Variants in FKBP4 observed in about 807,000 individuals in gnomAD.
FKBP4 encodes FKBP prolyl isomerase 4.
In FKBP4, 28 loss-of-function variants were observed where a neutral mutation model predicts 54.1. The ratio of observed to expected loss-of-function variants is 0.52; its 90% CI spans 0.38 to 0.71. The LOEUF is 0.71. Among genes scored for constraint, FKBP4 ranks in the 30% least tolerant of loss-of-function variants. The pLI is 0.00. For synonymous variants in FKBP4, 223 were observed against 216.1 expected (o/e 1.03, Z -0.28); for missense variants, 493 against 574.4 (o/e 0.86, Z 1.45).
intron 1 of FKBP4, 108 bp from the exon 2 acceptor site, chr12:2,797,030 T>A (rs1202502419): frequency 6.7e-7 from 1 of 1,501,966 alleles, no homozygotes; most frequent in Non-Finnish European, 8.9e-7. Context: ...CAGAGGAGGA[T>A]GAACACAGAG....
rs766636474 is a variant in FKBP4, at chr12:2,803,221, C to G, written c.1343C>G (p.Thr448Arg). Residue 448 changes from threonine (T) to arginine (R), a missense_variant, in exon 10 of 10, where the codon ACG becomes AGG. By Grantham distance (71) the Thr-to-Arg change is moderately conservative (BLOSUM62 -1). Coordinates refer to ENST00000001008, the MANE Select transcript of FKBP4 (RefSeq NM_002014.4). ...TEMKEEQKSNTAGSQSQVETE... is the reference protein window; with the variant it reads ...TEMKEEQKSNRAGSQSQVETE... ...ATGAAGGAGGAGCAGAAGAGCAACA[C>G]GGCAGGGAGCCAGTCTCAGGTGGAG... The G allele has an allele frequency of 6.2e-7, 1 of 1,600,238 alleles. No individual in the cohort carries two copies. Among genetic ancestry groups the G allele is most frequent in the East Asian group, 2.3e-5 (1 of 44,130 alleles).
chr12:2,798,963 C>T lies in FKBP4; in HGVS notation c.515-125C>T. The T allele has an allele frequency of 1.4e-6, 2 of 1,390,184 alleles. No individual in the cohort carries two copies. The highest frequency in any genetic ancestry group is 1.4e-5 in the African/African-American group (1 of 69,864). 86.1% of individuals were successfully genotyped at this position (1,390,184 alleles called of 1,614,324 possible). On this transcript the variant is annotated intron_variant, in intron 4 of 9. Transcript: ENST00000001008. This position sits in a 1 kb window ranked among gnomAD's most constrained non-coding sequence, Gnocchi z 4.3. ...GGGTTGGACCATATTCTCTTCATAT[C>T]ACTCCAGATTTGAGAACACAGGAGA...
In FKBP4 at chr12:2,795,226, G is replaced by A. The variant is rs771030252; in HGVS notation, c.87G>A (p.Gln29=). 4 of 1,335,068 alleles carry A rather than the reference G, an allele frequency of 3.0e-6. No homozygotes were observed. In the African/African-American group the frequency reaches 6.1e-5, roughly 20 times the overall value. The allele number at this position is 1,335,068 out of a possible 1,614,324, so 82.7% of individuals were successfully genotyped here. A position where few individuals can be genotyped will look rare whatever the true frequency, so the allele number is the denominator to read the frequency against. Residue 29 remains glutamine (Q), a synonymous_variant, in exon 1 of 10, where the codon CAG becomes CAA. Coordinates refer to ENST00000001008, the MANE Select transcript of FKBP4 (RefSeq NM_002014.4). The surrounding 1 kb of genome is among the most constrained non-coding windows in gnomAD (Gnocchi z 4.3). ...PMEGVDISPK[Q]DEGVLKVIKR... is the part of the protein sequence containing the mutation. ...AGGGAGTGGACATCAGCCCCAAACA[G>A]GACGAAGGCGTGCTGAAGGTGAGGG...
At position 2,798,840 on chromosome 12, in the gene FKBP4, G is replaced by A; in HGVS notation, c.514+14G>A. The A allele has an allele frequency of 1.2e-6, 2 of 1,611,894 alleles. No homozygotes were observed. The highest frequency in any genetic ancestry group is 1.7e-6 in the Non-Finnish European group (2 of 1,178,064). ...CTATCGTGGAGGGTGAGACAGTACA[G>A]TCTGGGCTTTCAATTCTCATTCTGA... On this transcript the variant is annotated intron_variant, in intron 4 of 9. Coordinates refer to ENST00000001008, the MANE Select transcript of FKBP4 (RefSeq NM_002014.4). The surrounding 1 kb of genome is among the most constrained non-coding windows in gnomAD (Gnocchi z 4.3).
rs2097905933 is a variant in FKBP4, at chr12:2,803,396, G to A, written c.*138G>A. 2 of 652,222 alleles carry A rather than the reference G, an allele frequency of 3.1e-6. No homozygotes were observed. Among genetic ancestry groups the A allele is most frequent in the Non-Finnish European group, 5.4e-6 (2 of 372,574 alleles). The allele number at this position is 652,222 out of a possible 1,614,324, so 40.4% of individuals were successfully genotyped here. On this transcript the variant is annotated 3_prime_UTR_variant, in exon 10 of 10. Transcript: ENST00000001008. ...TATCTGGTTGGATGGTGGCTTTAGGGGAAGGGGGAAAGGTGTAGGCTGGGG... is the reference window on the plus strand; with the variant it reads ...TATCTGGTTGGATGGTGGCTTTAGGAGAAGGGGGAAAGGTGTAGGCTGGGG...
chr12:2,795,824 T>TCCCCTGCCGACGC lies in FKBP4; in HGVS notation c.105+582_105+594dup. ...ACAGGGTTCCGGCGCCCTCCCGGGG[T>TCCCCTGCCGACGC]CCCCTGCCGACGCCGGGACCCAGCG... is the stretch of plus-strand genomic sequence containing the variant. On this transcript the variant is annotated intron_variant, in intron 1 of 9. Transcript: ENST00000001008. The surrounding 1 kb of genome is among the most constrained non-coding windows in gnomAD (Gnocchi z 4.3). 2.6e-6 allele frequency: 1 copy of TCCCCTGCCGACGC among 379,164 alleles called. No individual in the cohort carries two copies. Among genetic ancestry groups the TCCCCTGCCGACGC allele is most frequent in the Non-Finnish European group, 3.6e-6 (1 of 274,972 alleles). The allele number at this position is 379,164 out of a possible 1,614,324, so 23.5% of individuals were successfully genotyped here.
chr12:2,796,295 C>T, intron 1 of FKBP4: 3 of 1,289,232 alleles, frequency 2.3e-6, no homozygotes, highest in Non-Finnish European at 3.0e-6. Flanking sequence ...TCTGCTCCAG[C>T]GGCTCTCCTG....
chr12:2,803,079 A>T (rs2097905732), intron 9 of FKBP4, 72 bp from the exon 10 acceptor site: 8 of 1,110,780 alleles, frequency 7.2e-6, no homozygotes, highest in Non-Finnish European at 1.1e-5. Context: ...TATCTGTGTA[A>T]TTCTGCTGGA....
At chr12:2,802,295 AC>A (rs2153920624) in intron 9 of FKBP4, among the ~76,000 whole-genome samples, 1 of 151,894 alleles carries the variant, frequency 6.6e-6, no homozygotes, top group Non-Finnish European at 1.5e-5. Context: ...CCGCCACCAC[AC>A]CCGGCTAATT....
rs11548612 is a variant in FKBP4 at position 2,803,284 on chromosome 12, C to T, written c.*26C>T. 1.2e-4 allele frequency: 177 copies of T among 1,492,650 alleles called. No homozygotes were observed. The highest frequency in any genetic ancestry group is 8.7e-4 in the Middle Eastern group (4 of 4,580). 92.5% of individuals were successfully genotyped at this position (1,492,650 alleles called of 1,614,324 possible). On this transcript the variant is annotated 3_prime_UTR_variant, in exon 10 of 10. Transcript: ENST00000001008. ...CCCCTCTCCACCAGCCCTACTCCTG[C>T]GGCTGCCTGCCCCCCAGTCTCCCCA...
chr12:2,796,482 C>T, intron 1 of FKBP4: 1 of 1,212,172 alleles, frequency 8.2e-7, no homozygotes, highest in Non-Finnish European at 1.0e-6. Flanking sequence ...ACACACCTAC[C>T]AGGTGGCGCT....
intron 1 of FKBP4, chr12:2,796,805 C>T (rs558770870): frequency 1.8e-6 from 2 of 1,096,828 alleles, no homozygotes; most frequent in African/African-American, 3.3e-5. Context: ...GTCTAATCTT[C>T]CAACAACTGT....
Position 2,801,293 on chromosome 12 carries a change from G to C in FKBP4, c.1209G>C (p.Gln403His), listed in dbSNP as rs760680004. ...TGTGCCAGCAGCGGATCCGAAGGCA[G>C]CTTGCCCGGGAGAAGAAGCTCTATG... ...LAVCQQRIRR[Q>H]LAREKKLYAN... Residue 403 changes from glutamine to histidine, a missense_variant, in exon 9 of 10, where the codon CAG (glutamine) becomes CAC (histidine). By Grantham distance (24) the Gln-to-His change is conservative. Coordinates refer to ENST00000001008, the MANE Select transcript of FKBP4 (RefSeq NM_002014.4). 1.2e-5 allele frequency: 20 copies of C among 1,614,022 alleles called. No individual in the cohort carries two copies. The highest frequency in any genetic ancestry group is 1.7e-5 in the Non-Finnish European group (20 of 1,180,044).
At chr12:2,803,115 G>A (rs2097905751) in intron 9 of FKBP4, 36 bp from the exon 10 acceptor site, 3 of 1,439,366 alleles carry the variant, frequency 2.1e-6, no homozygotes, top group Non-Finnish European at 2.9e-6. Flanking sequence ...TTTTCACTTG[G>A]GAAGTCAGCC....
In FKBP4 at chr12:2,798,955, C is replaced by G. The variant is rs2097903345; in HGVS notation, c.514+129C>G. 7.9e-6 allele frequency: 11 copies of G among 1,389,276 alleles called. No individual in the cohort carries two copies. The South Asian group carries it at 1.5e-4, about 18-fold the overall frequency. 86.1% of individuals were successfully genotyped at this position (1,389,276 alleles called of 1,614,324 possible). ...AAAATGAGGGGTTGGACCATATTCT[C>G]TTCATATCACTCCAGATTTGAGAAC... On this transcript the variant is annotated intron_variant, in intron 4 of 9. Coordinates refer to ENST00000001008, the MANE Select transcript of FKBP4 (RefSeq NM_002014.4). This position sits in a 1 kb window ranked among gnomAD's most constrained non-coding sequence, Gnocchi z 4.3.
chr12:2,796,300 C>G (rs1273167224), intron 1 of FKBP4: 3 of 1,289,222 alleles, frequency 2.3e-6, no homozygotes, highest in African/African-American at 1.5e-5. Context: ...TCCAGCGGCT[C>G]TCCTGTGGCA....
At position 2,798,554 on chromosome 12, in the gene FKBP4, A is replaced by T; in HGVS notation, c.394-152A>T. The T allele has an allele frequency of 7.8e-7, 1 of 1,278,612 alleles. No homozygotes were observed. The highest frequency in any genetic ancestry group is 1.5e-5 in the African/African-American group (1 of 67,584). 79.2% of individuals were successfully genotyped at this position (1,278,612 alleles called of 1,614,324 possible). On this transcript the variant is annotated intron_variant, in intron 3 of 9. Transcript: ENST00000001008. This position sits in a 1 kb window ranked among gnomAD's most constrained non-coding sequence, Gnocchi z 4.3. Reference sequence around the variant, plus strand: ...AGATTAGGGCAGCTCCCAAGAACTGAAAAAAAGTGCCACTCTACCCAACTC... The same window carrying T: ...AGATTAGGGCAGCTCCCAAGAACTGTAAAAAAGTGCCACTCTACCCAACTC...
Position 2,803,152 on chromosome 12 carries a change from C to T in FKBP4, c.1274C>T (p.Ala425Val), listed in dbSNP as rs1183980478. The T allele has an allele frequency of 6.3e-7, 1 of 1,599,240 alleles. No homozygotes were observed. The change falls in exon 10 of 10, where the codon GCC becomes GTC. Residue 425 changes from alanine (A) to valine (V), a missense_variant and splice_region_variant. Ala to Val is a moderately conservative substitution (Grantham distance 64, BLOSUM62 0). Coordinates refer to ENST00000001008, the MANE Select transcript of FKBP4 (RefSeq NM_002014.4). The part of the protein sequence containing the change: ...FERLAEEENK[A>V]KAEASSGDHP... ...GTTTGCTGTTCATCTTCCTTGCAGG[C>T]CAAGGCAGAGGCTTCCTCAGGAGAC...
chr12:2,796,918 C>G, intron 1 of FKBP4: 1 of 1,353,970 alleles, frequency 7.4e-7, no homozygotes, highest in East Asian at 2.8e-5. Context: ...AGCCTTTTGT[C>G]TCCTTTTTCA....
Sources: gnomAD v4.1 joint callset for allele counts (sites outside exome capture counted in the v4.1 genomes callset) on GRCh38, gnomAD v4.1.1 for gene constraint, Gnocchi (gnomAD v3.1) non-coding constraint, MANE v1.5 for transcripts, NCBI Gene and HGNC (gene_info 2026-07-23, HGNC 2026-07-21) for gene names.